The following APPL1 variants were observed in gnomAD, a reference collection of about 807,000 sequenced individuals.
APPL1 encodes adaptor protein, phosphotyrosine interacting with PH domain and leucine zipper 1.
APPL1 carries 42 observed loss-of-function variants against 106.8 expected under a neutral mutation model. That is an observed-to-expected ratio of 0.39 (90% CI 0.31 to 0.51). The LOEUF is 0.51. Among genes scored for constraint, APPL1 ranks in the 20% least tolerant of loss-of-function variants. The pLI, the probability that APPL1 is intolerant of heterozygous loss-of-function variation, is 0.75. For synonymous variants in APPL1, 263 were observed against 281.8 expected, an observed-to-expected ratio of 0.93 and a Z score of 0.67; for missense variants, 769 against 858.2, an observed-to-expected ratio of 0.90 and a Z score of 1.30.
chr3:57,232,811 G>A (rs2060694363), intron 1 of APPL1, among the ~76,000 whole-genome samples: 1 of 152,070 alleles, frequency 6.6e-6, no homozygotes, highest in South Asian at 2.1e-4. Flanking sequence ...GACCATCCTG[G>A]CTAACACGAT....
At position 57,272,822 on chromosome 3, in the gene APPL1, A is replaced by C. The variant is rs1452983947; in HGVS notation, c.*3135A>C. ...CACCGTGTTAGCCAGGATGTTCTCG[A>C]TCTCCTGACCTCATGATCCGCCCGC... On this transcript the variant is annotated 3_prime_UTR_variant, in exon 22 of 22. Coordinates refer to ENST00000288266, the MANE Select transcript of APPL1 (RefSeq NM_012096.3). The C allele has an allele frequency of 6.6e-6, 1 of 152,068 alleles. No homozygotes were observed. 9.4% of individuals were successfully genotyped at this position (152,068 alleles called of 1,614,324 possible).
intron 1 of APPL1, chr3:57,230,906 TA>T (rs2060682960): frequency 3.4e-6 from 1 of 297,742 alleles, no homozygotes; most frequent in Non-Finnish European, 6.7e-6. Context: ...ATTTTATTTT[TA>T]TTTTTTGGAG....
intron 12 of APPL1, 95 bp from the exon 13 acceptor site, chr3:57,253,587 T>C: frequency 1.1e-6 from 1 of 920,094 alleles, no homozygotes; most frequent in Non-Finnish European, 1.5e-6. Flanking sequence ...TTACTTCTAA[T>C]GAAACATCTG....
intron 19 of APPL1, among the ~76,000 whole-genome samples, chr3:57,261,022 T>TA (rs756370171): frequency 6.6e-6 from 1 of 152,204 alleles, no homozygotes; most frequent in Non-Finnish European, 1.5e-5. Flanking sequence ...ATAGTCACCC[T>TA]ACTCTGCTGT....
chr3:57,264,582 T>TA (rs373132720), intron 19 of APPL1, among the ~76,000 whole-genome samples: 2 of 149,954 alleles, frequency 1.3e-5, no homozygotes. Context: ...ATAAAAAAAA[T>TA]AAAAAAAAAT....
At chr3:57,246,364 G>A (rs930498045) in intron 8 of APPL1, 142 bp downstream of exon 8, 11 of 565,432 alleles carry the variant, frequency 1.9e-5, no homozygotes, top group Non-Finnish European at 3.0e-5. Context: ...TTTTTAAAAT[G>A]TCATCAGACT....
chr3:57,257,496 CAG>C, intron 15 of APPL1, 68 bp downstream of exon 15: 1 of 1,297,000 alleles, frequency 7.7e-7, no homozygotes, highest in African/African-American at 1.5e-5. Flanking sequence ...GTCTGCATTT[CAG>C]AGTCATCTCT....
rs373526618 is a variant in APPL1 at position 57,262,385 on chromosome 3, C to CTT, written c.1842+1635_1842+1636dup. 3.3e-3 allele frequency among the ~76,000 whole-genome samples: 96 copies of CTT among 29,044 alleles called. 30 individuals carry two copies. Among genetic ancestry groups the CTT allele is most frequent in the Non-Finnish European group, 2.7e-3 (43 of 16,080 alleles). The allele number at this position is 29,044 out of a possible 152,430, so 19.1% of individuals were successfully genotyped here. Reference sequence around the variant, plus strand: ...GTTTTTTTTTTCTATGGAAAATAACCTTTTTTTTTTTTTTTTTTTTTTTTT... The same window carrying CTT: ...GTTTTTTTTTTCTATGGAAAATAACCTTTTTTTTTTTTTTTTTTTTTTTTTTT... On this transcript the variant is annotated intron_variant, in intron 19 of 21. Transcript: ENST00000288266.
intron 15 of APPL1, among the ~76,000 whole-genome samples, chr3:57,257,764 C>T (rs1454139983): frequency 6.6e-6 from 1 of 152,128 alleles, no homozygotes; most frequent in Non-Finnish European, 1.5e-5. Flanking sequence ...GAGGGTAATA[C>T]ATGTGATATA....
chr3:57,253,539 C>T (rs903354619), intron 12 of APPL1, 143 bp from the exon 13 acceptor site: 3 of 490,978 alleles, frequency 6.1e-6, no homozygotes, highest in Non-Finnish European at 9.4e-6. Context: ...AATGAAACAT[C>T]TGTTATGAAA....
Position 57,269,733 on chromosome 3 carries a change from T to C in APPL1, c.*46T>C. The C allele has an allele frequency of 6.3e-7, 1 of 1,591,962 alleles. No homozygotes were observed. The highest frequency in any genetic ancestry group is 8.6e-7 in the Non-Finnish European group (1 of 1,162,144). Reference sequence around the variant, plus strand: ...TTCCCCCTTGGAATTTGACAGTTTCTATGGTGAAATGGCAGAAGGTAACAA... The same window carrying C: ...TTCCCCCTTGGAATTTGACAGTTTCCATGGTGAAATGGCAGAAGGTAACAA... On this transcript the variant is annotated 3_prime_UTR_variant, in exon 22 of 22. Coordinates refer to ENST00000288266, the MANE Select transcript of APPL1 (RefSeq NM_012096.3).
chr3:57,252,306 G>T lies in APPL1; in HGVS notation c.1090G>T (p.Glu364Ter). 6.2e-7 allele frequency: 1 copy of T among 1,604,200 alleles called. No homozygotes were observed. Among genetic ancestry groups the T allele is most frequent in the Non-Finnish European group, 8.5e-7 (1 of 1,174,612 alleles). Residue 364 changes from glutamate to a stop codon, truncating the protein, a stop_gained, in exon 12 of 22, where the codon GAA becomes TAA. Coordinates refer to ENST00000288266, the MANE Select transcript of APPL1 (RefSeq NM_012096.3). LOFTEE classifies it high-confidence loss of function. ...ILQAESKKDH[E>*]EWICTINNIS... is the part of the protein sequence containing the mutation. ...GCAAGCAGAGAGTAAAAAAGATCAT[G>T]AAGAGGTAAGATTTTACCTAGTTCA...
intron 19 of APPL1, among the ~76,000 whole-genome samples, chr3:57,266,030 T>A (rs2060892991): frequency 1.3e-5 from 2 of 152,256 alleles, no homozygotes. Flanking sequence ...TATCTTTGCA[T>A]TCCTGGGATA....
At chr3:57,268,702 CA>C (rs1373848210) in intron 21 of APPL1, 1 of 331,382 alleles carries the variant, frequency 3.0e-6, no homozygotes, top group African/African-American at 2.1e-5. Context: ...ATGACTGTTT[CA>C]AAAATATACC....
At chr3:57,254,100 T>C (rs1006078827) in intron 13 of APPL1, among the ~76,000 whole-genome samples, 3 of 152,216 alleles carry the variant, frequency 2.0e-5, no homozygotes, top group Admixed American at 1.3e-4. Context: ...TGTCCTCAGG[T>C]GATCTGGCCA....
chr3:57,240,392 A>G, intron 4 of APPL1, 73 bp from the exon 5 acceptor site: 3 of 1,155,012 alleles, frequency 2.6e-6, no homozygotes, highest in Middle Eastern at 2.0e-4. Flanking sequence ...TTACTAGATT[A>G]TGTTTAATTT....
At chr3:57,257,484 C>T (rs1346931933) in intron 15 of APPL1, 56 bp downstream of exon 15, 1 of 1,397,700 alleles carries the variant, frequency 7.2e-7, no homozygotes, top group African/African-American at 1.4e-5. Flanking sequence ...TTATAATCCC[C>T]TGTCTGCATT....
rs760715609 is a variant in APPL1, at chr3:57,259,001, G to A, written c.1431-27G>A. On this transcript the variant is annotated intron_variant, in intron 15 of 21. Coordinates refer to ENST00000288266, the MANE Select transcript of APPL1 (RefSeq NM_012096.3). ...TGTGGCTCATGGTAACTGACCATGT[G>A]TTCATATTTTCTTCTAAACTTTTTA... 27 of 1,581,634 alleles carry A rather than the reference G, an allele frequency of 1.7e-5. No individual in the cohort carries two copies. In the South Asian group the frequency reaches 2.1e-4, roughly 12 times the overall value.
intron 8 of APPL1, among the ~76,000 whole-genome samples, chr3:57,247,020 A>C (rs1459075460): frequency 6.6e-6 from 1 of 151,642 alleles, no homozygotes; most frequent in Non-Finnish European, 1.5e-5. Flanking sequence ...GAATCTATTT[A>C]GGTAAAAGAG....
Sources: allele counts gnomAD v4.1 joint callset (sites outside exome capture counted in the v4.1 genomes callset), GRCh38; gene constraint gnomAD v4.1.1; transcripts MANE v1.5; gene names NCBI Gene and HGNC (gene_info 2026-07-23, HGNC 2026-07-21).